The following TADA1 variants were observed in gnomAD, a reference collection of about 807,000 sequenced individuals.
TADA1 encodes transcriptional adaptor 1, also known as transcriptional adapter 1.
A neutral mutation model predicts 39.3 loss-of-function variants in TADA1; 23 were observed. The observed-to-expected ratio is 0.58, with a 90% confidence interval of 0.42 to 0.83. The LOEUF (loss-of-function observed/expected upper bound fraction) is 0.83. TADA1 is among the 40% of genes least tolerant of loss of function. The pLI is 0.00. For synonymous variants in TADA1, 137 were observed against 151.8 expected (o/e 0.90, Z 0.72); for missense variants, 352 against 408.1 (o/e 0.86, Z 1.18).
chr1:166,875,725 C>T (rs1199356529), intron 1 of TADA1, among the ~76,000 whole-genome samples: 1 of 152,244 alleles, frequency 6.6e-6, no homozygotes, highest in Non-Finnish European at 1.5e-5. Flanking sequence ...CACACCAGCT[C>T]AACAGGCCTC....
chr1:166,859,333 T>C (rs1658357918), intron 6 of TADA1, among the ~76,000 whole-genome samples: 1 of 152,186 alleles, frequency 6.6e-6, no homozygotes, highest in South Asian at 2.1e-4. Context: ...CTTTTTTCTC[T>C]GAACTTGCAA....
Position 166,868,977 on chromosome 1 carries a change from G to A in TADA1, c.232+468C>T, listed in dbSNP as rs551814767. On this transcript the variant is annotated intron_variant, in intron 3 of 7. Transcript: ENST00000367874. ...TTAGAAAAGAGTAGTGCCACATCTG[G>A]CTTGGCTGAAAAACACTTTACTGAT... 137 of 197,804 alleles carry A rather than the reference G, an allele frequency of 6.9e-4. 1 individual carries two copies. The highest frequency in any genetic ancestry group is 1.7e-3 in the Middle Eastern group (1 of 584). The allele number at this position is 197,804 out of a possible 1,614,324, so 12.3% of individuals were successfully genotyped here.
At chr1:166,859,541 G>A (rs1658361108) in intron 6 of TADA1, among the ~76,000 whole-genome samples, 1 of 152,068 alleles carries the variant, frequency 6.6e-6, no homozygotes, top group Non-Finnish European at 1.5e-5. Flanking sequence ...GGAAGGATAA[G>A]AAAGACAACA....
At chr1:166,865,464 T>C (rs1658507800) in intron 3 of TADA1, among the ~76,000 whole-genome samples, 1 of 150,512 alleles carries the variant, frequency 6.6e-6, no homozygotes, top group African/African-American at 2.5e-5. Context: ...TGAACATATA[T>C]TGTTTAATGT....
intron 6 of TADA1, among the ~76,000 whole-genome samples, chr1:166,859,281 T>C (rs900488886): frequency 2.6e-4 from 40 of 152,110 alleles, no homozygotes; most frequent in Non-Finnish European, 4.1e-4. Context: ...TCCCTTCCTG[T>C]TACTTCACCA....
chr1:166,864,336 G>C (rs1658480877), intron 3 of TADA1, among the ~76,000 whole-genome samples: 1 of 152,158 alleles, frequency 6.6e-6, no homozygotes, highest in African/African-American at 2.4e-5. Context: ...AGGTTAAAAA[G>C]GAAAATGAGT....
At chr1:166,864,431 C>T (rs1571239324) in intron 3 of TADA1, among the ~76,000 whole-genome samples, 2 of 152,238 alleles carry the variant, frequency 1.3e-5, no homozygotes, top group South Asian at 2.1e-4. Flanking sequence ...AAGCTGTAAC[C>T]TAGGCTAGGC....
At chr1:166,865,972 T>G (rs1313193860) in intron 3 of TADA1, among the ~76,000 whole-genome samples, 1 of 152,106 alleles carries the variant, frequency 6.6e-6, no homozygotes, top group Non-Finnish European at 1.5e-5. Context: ...TAAAAAGAAC[T>G]GTTTGGGAAG....
intron 1 of TADA1, among the ~76,000 whole-genome samples, chr1:166,875,495 G>A (rs184618769): frequency 2.0e-5 from 3 of 152,244 alleles, no homozygotes; most frequent in Admixed American, 6.5e-5. Context: ...TCCGCACTAG[G>A]TCTCAGTCTT....
chr1:166,863,976 T>C (rs1658473489), intron 3 of TADA1, 55 bp from the exon 4 acceptor site: 4 of 1,419,790 alleles, frequency 2.8e-6, no homozygotes, highest in Non-Finnish European at 3.8e-6. Context: ...TGATAACTGC[T>C]AAGTTTGTTT....
At chr1:166,857,787 G>A in intron 7 of TADA1, 68 bp from the exon 8 acceptor site, 2 of 1,510,914 alleles carry the variant, frequency 1.3e-6, no homozygotes, top group Non-Finnish European at 1.8e-6. Flanking sequence ...CATATAAAAG[G>A]GTTTATATCA....
intron 1 of TADA1, among the ~76,000 whole-genome samples, chr1:166,871,346 T>C (rs1256585353): frequency 2.6e-5 from 4 of 152,172 alleles, no homozygotes; most frequent in African/African-American, 7.2e-5. Flanking sequence ...ATACTTGAGT[T>C]CCTAACAGGA....
chr1:166,861,396 T>C (rs1571237772), intron 5 of TADA1, among the ~76,000 whole-genome samples: 1 of 152,196 alleles, frequency 6.6e-6, no homozygotes, highest in Non-Finnish European at 1.5e-5. Flanking sequence ...ATGAAGAAAA[T>C]AGGGCTCAGA....
intron 1 of TADA1, among the ~76,000 whole-genome samples, chr1:166,873,389 GC>G (rs1202249822): frequency 6.6e-6 from 1 of 152,154 alleles, no homozygotes; most frequent in East Asian, 1.9e-4. Context: ...GCCTAGCAAA[GC>G]CCATGTCTTC....
At chr1:166,869,358 T>C in intron 3 of TADA1, 87 bp downstream of exon 3, 1 of 1,114,938 alleles carries the variant, frequency 9.0e-7, no homozygotes, top group Non-Finnish European at 1.3e-6. Context: ...ACATCTGCTT[T>C]ACAAACACTA....
At chr1:166,858,702 CT>C (rs1259897775) in intron 6 of TADA1, among the ~76,000 whole-genome samples, 1 of 152,242 alleles carries the variant, frequency 6.6e-6, no homozygotes, top group African/African-American at 2.4e-5. Flanking sequence ...AATCCAGAAC[CT>C]GCCAATTTCC....
chr1:166,873,946 C>G (rs1238767544), intron 1 of TADA1, among the ~76,000 whole-genome samples: 2 of 152,060 alleles, frequency 1.3e-5, no homozygotes, highest in Non-Finnish European at 2.9e-5. Flanking sequence ...CAATCATACA[C>G]AAGCCAGGTC....
intron 3 of TADA1, among the ~76,000 whole-genome samples, chr1:166,864,348 G>A (rs553671663): frequency 1.3e-5 from 2 of 152,118 alleles, no homozygotes; most frequent in African/African-American, 4.8e-5. Context: ...AAAATGAGTG[G>A]CAGACACGAT....
intron 4 of TADA1, chr1:166,863,119 T>C (rs561369955): frequency 6.6e-6 from 1 of 152,628 alleles, no homozygotes; most frequent in East Asian, 1.9e-4. Flanking sequence ...GAAATTGATA[T>C]TATGAAAACA....
Sources: gnomAD v4.1 joint callset for allele counts (sites outside exome capture counted in the v4.1 genomes callset) on GRCh38, gnomAD v4.1.1 for gene constraint, MANE v1.5 for transcripts, NCBI Gene and HGNC (gene_info 2026-07-23, HGNC 2026-07-21) for gene names.